Variants in ZNF800 observed in about 807,000 individuals in gnomAD.
ZNF800 encodes the protein zinc finger protein 800.
In ZNF800, 13 loss-of-function variants were observed where a neutral mutation model predicts 59.5. That is an observed-to-expected ratio of 0.22 (90% CI 0.14 to 0.35). The LOEUF (loss-of-function observed/expected upper bound fraction) is 0.35, where lower values mean the gene tolerates loss of function less well. Ranked by LOEUF, ZNF800 falls within the 10% of genes least tolerant of loss-of-function variation. The probability of loss-of-function intolerance (pLI) is 1.00; values close to 1 mark genes in which losing one functional copy is unlikely to be tolerated. For missense variants in ZNF800, 621 were observed against 783.7 expected (o/e 0.79, Z 2.48); for synonymous variants, 266 against 265.7 (o/e 1.00, Z -0.01).
chr7:127,392,527 A>G lies in ZNF800; in HGVS notation c.-526T>C, dbSNP rs1179088487. ...TCAGGCTTTAGGAGAGGGGCGGAGA[A>G]AAATGGGGGTCTCCCCCAACCTTGG... On this transcript the variant is annotated 5_prime_UTR_variant, in exon 1 of 6. Coordinates refer to ENST00000265827, the MANE Select transcript of ZNF800 (RefSeq NM_176814.5). 4.9e-5 allele frequency: 15 copies of G among 309,022 alleles called. No individual in the cohort carries two copies. The East Asian group carries it at 7.3e-4, about 15-fold the overall frequency. The allele number at this position is 309,022 out of a possible 1,614,324, so 19.1% of individuals were successfully genotyped here.
chr7:127,348,446 A>T (rs905091987), intron 1 of ZNF800, among the ~76,000 whole-genome samples: 1 of 146,636 alleles, frequency 6.8e-6, no homozygotes, highest in Non-Finnish European at 1.5e-5. Context: ...AAAAAAAAAA[A>T]ATGGGAATGT....
chr7:127,392,274 G>A lies in ZNF800; in HGVS notation c.-273C>T, dbSNP rs1004553055. On this transcript the variant is annotated 5_prime_UTR_variant, in exon 1 of 6. Transcript: ENST00000265827. ...CACAGCTCACCACGTCCCTCCGCGG[G>A]CCGAGACGACTGCGGCGGCGGCTCA... is the stretch of plus-strand genomic sequence containing the variant. 4.3e-5 allele frequency: 17 copies of A among 391,974 alleles called. No individual in the cohort carries two copies. Among genetic ancestry groups the A allele is most frequent in the Admixed American group, 4.5e-5 (1 of 22,454 alleles). The allele number at this position is 391,974 out of a possible 1,614,324, so 24.3% of individuals were successfully genotyped here. A position where few individuals can be genotyped will look rare whatever the true frequency, so the allele number is the denominator to read the frequency against.
chr7:127,371,871 TTAAAACTATG>T, intron 5 of ZNF800, 57 bp from the exon 6 acceptor site: 1 of 718,368 alleles, frequency 1.4e-6, no homozygotes, highest in East Asian at 2.5e-5. Context: ...AACCTAGTTT[TTAAAACTATG>T]CAACAGTAAA....
intron 5 of ZNF800, chr7:127,372,704 G>A (rs1164796887): frequency 1.2e-5 from 12 of 984,918 alleles, no homozygotes; most frequent in Admixed American, 6.2e-5. Context: ...ACACTCCCAA[G>A]GAGAAGGAAA....
At chr7:127,360,294 T>C (rs1366692057) in intron 1 of ZNF800, 1 of 152,104 alleles carries the variant, frequency 6.6e-6, no homozygotes, top group Non-Finnish European at 1.5e-5. Context: ...TGAATTCACA[T>C]CCTGATTAAA....
rs1480963801 is a variant in ZNF800, at chr7:127,377,217, G to C, written c.270C>G (p.Phe90Leu). Residue 90 changes from phenylalanine to leucine, a missense_variant, in exon 4 of 6, where the codon TTC becomes TTG. Physicochemically the swap from Phe to Leu is conservative, Grantham distance 22. This residue lies in a region of ZNF800 where 12 missense variants were observed against 34.4 expected (regional missense o/e 0.35). Transcript: ENST00000265827. The surrounding 1 kb of genome is among the most constrained non-coding windows in gnomAD (Gnocchi z 4.7). ...GLPNLITHKK[F>L]YCPPSLQMDD... ...CCATCTGGAGACTTGGTGGGCAGTA[G>C]AATTTTTTATGGGTAATTAAATTTG... The C allele has an allele frequency of 2.5e-6, 4 of 1,611,976 alleles. No individual in the cohort carries two copies. Among genetic ancestry groups the C allele is most frequent in the Middle Eastern group, 3.3e-4 (2 of 6,042 alleles).
At chr7:127,386,003 T>A (rs1310791685) in intron 3 of ZNF800, 57 bp downstream of exon 3, 1 of 1,122,826 alleles carries the variant, frequency 8.9e-7, no homozygotes, top group Non-Finnish European at 1.3e-6. Flanking sequence ...TAAGGACTTC[T>A]AGGTAGTTTT....
intron 1 of ZNF800, among the ~76,000 whole-genome samples, chr7:127,354,479 T>TAA (rs151150261): frequency 2.0e-5 from 3 of 151,570 alleles, no homozygotes; most frequent in African/African-American, 7.3e-5. Context: ...CATTGTTAAG[T>TAA]AAAAAAAAGC....
downstream of ZNF800, among the ~76,000 whole-genome samples, chr7:127,346,609 G>A (rs1393200910): frequency 1.3e-5 from 2 of 152,192 alleles, no homozygotes; most frequent in Non-Finnish European, 2.9e-5. Context: ...ATGAAGCAAC[G>A]AATTAGCTGT....
At chr7:127,353,962 CTA>C (rs1800220662) in intron 1 of ZNF800, among the ~76,000 whole-genome samples, 1 of 151,976 alleles carries the variant, frequency 6.6e-6, no homozygotes, top group African/African-American at 2.4e-5. Context: ...AAATGAAAGA[CTA>C]TTTCTGTGAT....
chr7:127,382,666 G>A (rs935326064), intron 3 of ZNF800, among the ~76,000 whole-genome samples: 1 of 151,894 alleles, frequency 6.6e-6, no homozygotes, highest in Non-Finnish European at 1.5e-5. Context: ...AAACCTGCAG[G>A]CTTCTTAAAA....
chr7:127,369,332 T>G (rs1477207845), downstream of ZNF800, among the ~76,000 whole-genome samples: 1 of 152,134 alleles, frequency 6.6e-6, no homozygotes, highest in Non-Finnish European at 1.5e-5. Flanking sequence ...TGGCTCTTTG[T>G]GTGCTGTAAT....
At chr7:127,344,994 TTC>T (rs1354114015), downstream of ZNF800, among the ~76,000 whole-genome samples, 1 of 152,158 alleles carries the variant, frequency 6.6e-6, no homozygotes, top group African/African-American at 2.4e-5. Context: ...AATGCAATAT[TTC>T]TGTTTATCAA....
intron 5 of ZNF800, among the ~76,000 whole-genome samples, chr7:127,372,262 T>C (rs1377881404): frequency 6.6e-6 from 1 of 152,060 alleles, no homozygotes; most frequent in Non-Finnish European, 1.5e-5. Context: ...GCGGATCACC[T>C]GAGGTCCAGG....
In ZNF800 at chr7:127,377,398, A is replaced by T; in HGVS notation, c.158-69T>A. 7.5e-6 allele frequency: 10 copies of T among 1,331,348 alleles called. No homozygotes were observed. In the South Asian group the frequency reaches 1.3e-4, roughly 17 times the overall value. 82.5% of individuals were successfully genotyped at this position (1,331,348 alleles called of 1,614,324 possible). A position where few individuals can be genotyped will look rare whatever the true frequency, so the allele number is the denominator to read the frequency against. ...TTAACATGCACTTTTAAACTGGACA[A>T]CCACTGTTGACAGACCAAAAGTGCA... On this transcript the variant is annotated intron_variant, in intron 3 of 5. Transcript: ENST00000265827. The surrounding 1 kb of genome is among the most constrained non-coding windows in gnomAD (Gnocchi z 4.7).
chr7:127,392,110 G>T lies in ZNF800; in HGVS notation c.-109C>A. On this transcript the variant is annotated 5_prime_UTR_variant, in exon 1 of 6. Transcript: ENST00000265827. ...CGGGCGGAAGGAAGGAAGGCAGGCC[G>T]GGCGGCCGCGGGGACAGCCTGGCGT... 2.5e-6 allele frequency: 1 copy of T among 393,064 alleles called. No homozygotes were observed. Among genetic ancestry groups the T allele is most frequent in the South Asian group, 1.3e-4 (1 of 7,792 alleles). 24.3% of individuals were successfully genotyped at this position (393,064 alleles called of 1,614,324 possible).
chr7:127,388,279 T>A (rs893273704), intron 2 of ZNF800, among the ~76,000 whole-genome samples: 1 of 152,146 alleles, frequency 6.6e-6, no homozygotes, highest in African/African-American at 2.4e-5. Context: ...AACCAAAAAA[T>A]CTTTTTTCAA....
chr7:127,369,643 C>T (rs1239171418), downstream of ZNF800, among the ~76,000 whole-genome samples: 1 of 152,054 alleles, frequency 6.6e-6, no homozygotes, highest in African/African-American at 2.4e-5. Context: ...CTAATGTAGG[C>T]AAGTACTGAC....
Position 127,377,194 on chromosome 7 carries a change from A to C in ZNF800, c.293T>G (p.Met98Arg), listed in dbSNP as rs780644677. 6.2e-7 allele frequency: 1 copy of C among 1,610,860 alleles called. No homozygotes were observed. Among genetic ancestry groups the C allele is most frequent in the Non-Finnish European group, 8.5e-7 (1 of 1,178,274 alleles). ...KKFYCPPSLQ[M>R]DDNLPDVNDK... ...ATATGAATAAAACTTACTGTCATCC[A>C]TCTGGAGACTTGGTGGGCAGTAGAA... The change falls in exon 4 of 6, where the codon ATG (methionine) becomes AGG (arginine). Residue 98 changes from methionine (M) to arginine (R), a missense_variant. By Grantham distance (91) the Met-to-Arg change is moderately conservative. Around this residue, in one of 7 missense-constraint regions of ZNF800, gnomAD observed 218 missense variants for 230.8 expected, o/e 0.94. Transcript: ENST00000265827. This position sits in a 1 kb window ranked among gnomAD's most constrained non-coding sequence, Gnocchi z 4.7.
Sources: allele counts gnomAD v4.1 joint callset (sites outside exome capture counted in the v4.1 genomes callset), GRCh38; gene constraint gnomAD v4.1.1; regional missense constraint gnomAD v4.1.1; non-coding constraint Gnocchi (gnomAD v3.1); transcripts MANE v1.5; gene names NCBI Gene and HGNC (gene_info 2026-07-23, HGNC 2026-07-21).